The following PTPRD variants were observed in gnomAD, a reference collection of about 807,000 sequenced individuals.
PTPRD encodes protein tyrosine phosphatase receptor type D.
Under a neutral mutation model 214.5 loss-of-function variants are expected in PTPRD, and 34 were observed. That is an observed-to-expected ratio of 0.16 (90% confidence interval 0.12 to 0.21). The LOEUF (loss-of-function observed/expected upper bound fraction) is 0.21, where lower values mean the gene tolerates loss of function less well. Among genes scored for constraint, PTPRD ranks in the 10% least tolerant of loss-of-function variants. PTPRD has a pLI of 1.00. For synonymous variants in PTPRD, 1,128 were observed against 845.7 expected, an observed-to-expected ratio of 1.33 and a Z score of -5.79; for missense variants, 2,545 against 2,398.7, an observed-to-expected ratio of 1.06 and a Z score of -1.27.
At chr9:9,655,701 G>T (rs919156435) in intron 7 of PTPRD, among the ~76,000 whole-genome samples, 8 of 151,844 alleles carry the variant, frequency 5.3e-5, no homozygotes, top group African/African-American at 1.9e-4. Context: ...AAAAGAGCTG[G>T]GTGCGGTGGC....
chr9:10,482,036 T>TA (rs1482230383), intron 2 of PTPRD, among the ~76,000 whole-genome samples: 29 of 151,722 alleles, frequency 1.9e-4, no homozygotes, highest in African/African-American at 6.8e-4. Context: ...GAAAGAAATA[T>TA]AAAAAAGTGA....
intron 11 of PTPRD, among the ~76,000 whole-genome samples, chr9:8,824,849 T>G (rs2097144556): frequency 6.6e-6 from 1 of 152,214 alleles, no homozygotes. Context: ...AGACTAGAAT[T>G]TAATAACAAG....
chr9:9,634,930 T>C (rs1212573234), intron 7 of PTPRD, among the ~76,000 whole-genome samples: 1 of 152,186 alleles, frequency 6.6e-6, no homozygotes, highest in Non-Finnish European at 1.5e-5. Context: ...GTAAGTCATA[T>C]GTGTAAAGCT....
At chr9:8,531,030 A>G (rs1318169928) in intron 14 of PTPRD, among the ~76,000 whole-genome samples, 2 of 152,126 alleles carry the variant, frequency 1.3e-5, no homozygotes, top group Non-Finnish European at 2.9e-5. Context: ...AGGGCCGGGT[A>G]CTAAACACAC....
chr9:9,238,597 C>T (rs757812540), intron 9 of PTPRD, among the ~76,000 whole-genome samples: 1 of 152,036 alleles, frequency 6.6e-6, no homozygotes, highest in African/African-American at 2.4e-5. Context: ...CACTTAAGAG[C>T]TAGTAGCATG....
chr9:8,546,748 C>T (rs1003682085), intron 14 of PTPRD, among the ~76,000 whole-genome samples: 3 of 152,100 alleles, frequency 2.0e-5, no homozygotes, highest in Admixed American at 6.5e-5. Context: ...GATCTGCCTG[C>T]CTGGAGCCTC....
At chr9:10,143,447 G>T (rs202133724) in intron 3 of PTPRD, among the ~76,000 whole-genome samples, 2 of 151,966 alleles carry the variant, frequency 1.3e-5, no homozygotes, top group Non-Finnish European at 2.9e-5. Context: ...TGGAACACTT[G>T]TACACTGTTG....
chr9:10,459,241 T>C (rs112891347), intron 2 of PTPRD, among the ~76,000 whole-genome samples: 2,324 of 152,324 alleles, frequency 0.015, 31 homozygotes, highest in African/African-American at 0.04. Context: ...TCCTTTTTTA[T>C]GGCTGCATAA....
At chr9:9,024,192 T>C (rs1569450983) in intron 10 of PTPRD, among the ~76,000 whole-genome samples, 1 of 151,816 alleles carries the variant, frequency 6.6e-6, no homozygotes, top group Non-Finnish European at 1.5e-5. Context: ...ATGTTCTCTT[T>C]TTTACTTACT....
intron 12 of PTPRD, among the ~76,000 whole-genome samples, chr9:8,663,075 A>G (rs1015990042): frequency 6.6e-6 from 1 of 152,162 alleles, no homozygotes; most frequent in Admixed American, 6.5e-5. Flanking sequence ...TAAAAAGTCA[A>G]ATACTTTTTA....
At chr9:8,990,847 C>T (rs1231348433) in intron 11 of PTPRD, among the ~76,000 whole-genome samples, 1 of 152,012 alleles carries the variant, frequency 6.6e-6, no homozygotes, top group Non-Finnish European at 1.5e-5. Context: ...CAGTCTACTG[C>T]CGTAAGATTA....
intron 8 of PTPRD, among the ~76,000 whole-genome samples, chr9:9,502,781 T>A (rs541606408): frequency 6.6e-6 from 1 of 151,940 alleles, no homozygotes; most frequent in Admixed American, 6.6e-5. Context: ...ACAACATGTA[T>A]ACATCCTAAA....
At position 8,500,740 on chromosome 9, in the gene PTPRD, C is replaced by T. The variant is rs199887748; in HGVS notation, c.2128+14G>A. On this transcript the variant is annotated intron_variant, in intron 24 of 45. Transcript: ENST00000381196. ...GTCAGAAGGGTGCAAACTGACGTAG[C>T]GGAGGCAACATACCATCTTCATTGG... 97 of 1,612,398 alleles carry T rather than the reference C, an allele frequency of 6.0e-5. No homozygotes were observed. The highest frequency in any genetic ancestry group is 2.4e-4 in the African/African-American group (18 of 74,832).
intron 7 of PTPRD, among the ~76,000 whole-genome samples, chr9:9,588,857 C>A (rs1310984894): frequency 6.6e-6 from 1 of 151,836 alleles, no homozygotes; most frequent in Non-Finnish European, 1.5e-5. Flanking sequence ...ATTTTGAAAG[C>A]ATTTTATGAG....
intron 2 of PTPRD, among the ~76,000 whole-genome samples, chr9:10,546,910 G>A (rs1371073255): frequency 6.6e-6 from 1 of 152,004 alleles, no homozygotes; most frequent in Non-Finnish European, 1.5e-5. Flanking sequence ...CATAGTTCTT[G>A]AAGCAAAATT....
At chr9:9,779,988 G>A (rs1260760809) in intron 5 of PTPRD, among the ~76,000 whole-genome samples, 1 of 152,114 alleles carries the variant, frequency 6.6e-6, no homozygotes, top group Admixed American at 6.5e-5. Flanking sequence ...TCATCATAGC[G>A]AAGACGACAT....
At chr9:8,685,360 A>G (rs568082476) in intron 12 of PTPRD, among the ~76,000 whole-genome samples, 18 of 149,934 alleles carry the variant, frequency 1.2e-4, no homozygotes, top group African/African-American at 2.0e-4. Flanking sequence ...AATTTTGGGG[A>G]AAAAAAAATC....
At chr9:8,334,374 TA>T (rs1246872474) in intron 43 of PTPRD, among the ~76,000 whole-genome samples, 9 of 146,544 alleles carry the variant, frequency 6.1e-5, no homozygotes, top group South Asian at 2.2e-4. Context: ...AACTCAAGAT[TA>T]AAAAAAAAAC....
intron 12 of PTPRD, among the ~76,000 whole-genome samples, chr9:8,704,668 A>T (rs2098164209): frequency 6.6e-6 from 1 of 151,920 alleles, no homozygotes; most frequent in African/African-American, 2.4e-5. Flanking sequence ...TCACAGAGAT[A>T]ATGCAATTTA....
Sources: allele counts gnomAD v4.1 joint callset (sites outside exome capture counted in the v4.1 genomes callset), GRCh38; gene constraint gnomAD v4.1.1; transcripts MANE v1.5; gene names NCBI Gene and HGNC (gene_info 2026-07-23, HGNC 2026-07-21).